The following PLAU variants were observed in gnomAD, a reference collection of about 807,000 sequenced individuals.
PLAU encodes plasminogen activator, urokinase, also known as urokinase-type plasminogen activator.
In PLAU, 32 loss-of-function variants were observed where a neutral mutation model predicts 48.9. The observed-to-expected ratio is 0.65, with a 90% confidence interval of 0.49 to 0.88. The LOEUF is 0.88. Among genes scored for constraint, PLAU ranks in the 40% least tolerant of loss-of-function variants. The pLI is 0.00. For missense variants in PLAU, 455 were observed against 545.2 expected (o/e 0.83, Z 1.65); for synonymous variants, 199 against 205.7 (o/e 0.97, Z 0.28).
In PLAU at chr10:73,913,694, A is replaced by T. The variant is rs779278566; in HGVS notation, c.616A>T (p.Thr206Ser). Residue 206 changes from threonine to serine, a missense_variant, in exon 7 of 11, where the codon ACC becomes TCC. Transcript: ENST00000372764. ...IYRRHRGGSV[T>S]YVCGGSLISP... ...CAGGAGGCACCGGGGGGGCTCTGTC[A>T]CCTACGTGTGTGGAGGCAGCCTCAT... 1 of 1,613,112 alleles carries T rather than the reference A, an allele frequency of 6.2e-7. No homozygotes were observed. Among genetic ancestry groups the T allele is most frequent in the Non-Finnish European group, 8.5e-7 (1 of 1,179,670 alleles).
intron 8 of PLAU, among the ~76,000 whole-genome samples, chr10:73,914,573 C>G (rs2227570): frequency 1.3e-5 from 2 of 152,154 alleles, no homozygotes; most frequent in Admixed American, 1.3e-4. Flanking sequence ...GTGGCTCTGG[C>G]CATCCAAGCC....
intron 3 of PLAU, 38 bp from the exon 4 acceptor site, chr10:73,912,177 C>G (rs758648701): frequency 6.2e-7 from 1 of 1,613,980 alleles, no homozygotes; most frequent in East Asian, 2.2e-5. Flanking sequence ...CTTACCACTT[C>G]CACTCCCCCT....
chr10:73,915,174 T>G, intron 9 of PLAU, 77 bp from the exon 10 acceptor site: 1 of 1,448,488 alleles, frequency 6.9e-7, no homozygotes, highest in Non-Finnish European at 9.5e-7. Context: ...AGAGATACTT[T>G]ATGGTTCCCC....
In PLAU at chr10:73,912,309, G is replaced by A. The variant is rs2096126149; in HGVS notation, c.180G>A (p.Gln60=). The change falls in exon 4 of 11, where the codon CAG becomes CAA. Residue 60 remains glutamine, a synonymous_variant. Transcript: ENST00000372764. ...WCNCPKKFGG[Q]HCEIDKSKTC... is the part of the protein sequence containing the mutation. ...ACTGCCCAAAGAAATTCGGAGGGCA[G>A]CACTGTGAAATAGGTATGGGGATCT... 1 of 1,550,196 alleles carries A rather than the reference G, an allele frequency of 6.5e-7. No individual in the cohort carries two copies. The highest frequency in any genetic ancestry group is 8.7e-7 in the Non-Finnish European group (1 of 1,143,316).
chr10:73,912,421 G>A, intron 4 of PLAU, 99 bp downstream of exon 4: 1 of 853,162 alleles, frequency 1.2e-6, no homozygotes, highest in South Asian at 1.5e-5. Context: ...GAGGTAGGGT[G>A]GGTGACATCT....
At chr10:73,909,025 T>C (rs2096119839), upstream of PLAU, among the ~76,000 whole-genome samples, 1 of 150,124 alleles carries the variant, frequency 6.7e-6, no homozygotes, top group Non-Finnish European at 1.5e-5. Flanking sequence ...TGCTAAAGAT[T>C]AGCGCATGGA....
rs746731879 is a variant in PLAU, at chr10:73,917,268, G to T, written c.*703G>T. The T allele has an allele frequency of 6.6e-6, 1 of 152,584 alleles. No individual in the cohort carries two copies. The highest frequency in any genetic ancestry group is 1.5e-5 in the Non-Finnish European group (1 of 68,050). The allele number at this position is 152,584 out of a possible 1,614,324, so 9.5% of individuals were successfully genotyped here. A position where few individuals can be genotyped will look rare whatever the true frequency, so the allele number is the denominator to read the frequency against. ...GGGTCCCCCACGTGACAGTGCCTGG[G>T]AATGTATTATTCTGCAGCATGACCT... On this transcript the variant is annotated 3_prime_UTR_variant, in exon 11 of 11. Coordinates refer to ENST00000372764, the MANE Select transcript of PLAU (RefSeq NM_002658.6).
In PLAU at chr10:73,914,833, A is replaced by G; in HGVS notation, c.887A>G (p.Gln296Arg). The G allele has an allele frequency of 6.2e-7, 1 of 1,614,204 alleles. No individual in the cohort carries two copies. Among genetic ancestry groups the G allele is most frequent in the Non-Finnish European group, 8.5e-7 (1 of 1,180,008 alleles). Residue 296 changes from glutamine to arginine, a missense_variant, in exon 9 of 11, where the codon CAG (glutamine) becomes CGG (arginine). Coordinates refer to ENST00000372764, the MANE Select transcript of PLAU (RefSeq NM_002658.6). ...TGTGCGCAGCCATCCCGGACTATAC[A>G]GACCATCTGCCTGCCCTCGATGTAT... The part of the protein sequence containing the change: ...GRCAQPSRTI[Q>R]TICLPSMYND...
chr10:73,912,374 TG>T, intron 4 of PLAU, 52 bp downstream of exon 4: 1 of 460,556 alleles, frequency 2.2e-6, no homozygotes, highest in Non-Finnish European at 4.4e-6. Context: ...CAGGGAGGGA[TG>T]GGTGGGAGGC....
chr10:73,916,498 C>G lies in PLAU; in HGVS notation c.1229C>G (p.Thr410Arg). Residue 410 changes from threonine to arginine, a missense_variant, in exon 11 of 11, where the codon ACG becomes AGG. Thr to Arg is a moderately conservative substitution (Grantham distance 71). Coordinates refer to ENST00000372764, the MANE Select transcript of PLAU (RefSeq NM_002658.6). ...CALKDKPGVY[T>R]RVSHFLPWIR... ...CTGAAGGACAAGCCAGGCGTCTACA[C>G]GAGAGTCTCACACTTCTTACCCTGG... The G allele has an allele frequency of 1.2e-6, 2 of 1,613,986 alleles. No homozygotes were observed. Among genetic ancestry groups the G allele is most frequent in the Non-Finnish European group, 1.7e-6 (2 of 1,179,920 alleles).
chr10:73,913,032 A>G lies in PLAU; in HGVS notation c.302A>G (p.Gln101Arg), dbSNP rs1400095353. The change falls in exon 5 of 11, where the codon CAG becomes CGG. Residue 101 changes from glutamine (Q) to arginine (R), a missense_variant. Transcript: ENST00000372764. ...CCCTGGAACTCTGCCACTGTCCTTC[A>G]GCAAACGTACCATGCCCACAGATCT... ...CLPWNSATVL[Q>R]QTYHAHRSDA... 7 of 1,614,144 alleles carry G rather than the reference A, an allele frequency of 4.3e-6. No individual in the cohort carries two copies. In the Admixed American group the frequency reaches 1.2e-4, roughly 27 times the overall value.
chr10:73,912,880 T>A, intron 4 of PLAU, 44 bp from the exon 5 acceptor site: 3 of 1,459,630 alleles, frequency 2.1e-6, no homozygotes, highest in Middle Eastern at 1.8e-4. Context: ...AGTTGGAATG[T>A]TCTTCTCTTT....
chr10:73,916,375 C>A lies in PLAU; in HGVS notation c.1120-14C>A. The stretch of plus-strand genomic sequence containing the variant: ...CTTCTCTAGGGCTCATCTTTTGTAT[C>A]TTTGGCGTCACAGGGAGACTCAGGG... On this transcript the variant is annotated splice_polypyrimidine_tract_variant and intron_variant, in intron 10 of 10. Transcript: ENST00000372764. 6.2e-7 allele frequency: 1 copy of A among 1,609,826 alleles called. No homozygotes were observed. Among genetic ancestry groups the A allele is most frequent in the Non-Finnish European group, 8.5e-7 (1 of 1,177,850 alleles).
chr10:73,913,200 T>C (rs888397981), intron 5 of PLAU, 90 bp from the exon 6 acceptor site: 1 of 1,572,310 alleles, frequency 6.4e-7, no homozygotes. Flanking sequence ...ACAAGAGAAG[T>C]GCGGCCTCTG....
chr10:73,911,434 C>T (rs2096123664), intron 1 of PLAU, 91 bp from the exon 2 acceptor site: 3 of 1,292,368 alleles, frequency 2.3e-6, no homozygotes, highest in Admixed American at 2.0e-5. Flanking sequence ...GGAGCCTGGT[C>T]ACCGCGGGCA....
chr10:73,916,886 G>C lies in PLAU; in HGVS notation c.*321G>C, dbSNP rs1476541731. ...CATCTCCTGTGCATGGGTGAAGGGA[G>C]AGCCAGCTCCCCCGACGGTGGGCAT... On this transcript the variant is annotated 3_prime_UTR_variant, in exon 11 of 11. Transcript: ENST00000372764. 7 of 262,534 alleles carry C rather than the reference G, an allele frequency of 2.7e-5. No homozygotes were observed. The highest frequency in any genetic ancestry group is 5.1e-5 in the Non-Finnish European group (7 of 137,464). The allele number at this position is 262,534 out of a possible 1,614,324, so 16.3% of individuals were successfully genotyped here. A position where few individuals can be genotyped will look rare whatever the true frequency, so the allele number is the denominator to read the frequency against.
chr10:73,909,594 C>G (rs1322874209), upstream of PLAU, among the ~76,000 whole-genome samples: 1 of 152,206 alleles, frequency 6.6e-6, no homozygotes, highest in African/African-American at 2.4e-5. Flanking sequence ...AGCAAAGGAG[C>G]CTTCCTCCTT....
intron 10 of PLAU, 54 bp from the exon 11 acceptor site, chr10:73,916,335 G>T: frequency 6.6e-7 from 1 of 1,511,822 alleles, no homozygotes; most frequent in South Asian, 1.2e-5. Flanking sequence ...GATGGGATCA[G>T]AAATCCCCTC....
rs2096127834 is a variant in PLAU, at chr10:73,912,970, A to G, written c.240A>G (p.Gly80=). 6.2e-7 allele frequency: 1 copy of G among 1,613,794 alleles called. No individual in the cohort carries two copies. Among genetic ancestry groups the G allele is most frequent in the South Asian group, 1.1e-5 (1 of 91,052 alleles). ...CYEGNGHFYR[G]KASTDTMGRP... Reference sequence around the variant, plus strand: ...AGGGGAATGGTCACTTTTACCGAGGAAAGGCCAGCACTGACACCATGGGCC... The same window carrying G: ...AGGGGAATGGTCACTTTTACCGAGGGAAGGCCAGCACTGACACCATGGGCC... Residue 80 remains glycine (G), a synonymous_variant, in exon 5 of 11, where the codon GGA becomes GGG. Transcript: ENST00000372764.
Sources: allele counts gnomAD v4.1 joint callset (sites outside exome capture counted in the v4.1 genomes callset), GRCh38; gene constraint gnomAD v4.1.1; transcripts MANE v1.5; gene names NCBI Gene and HGNC (gene_info 2026-07-23, HGNC 2026-07-21).